TRPM6: variants seen among roughly 807,000 people sequenced by gnomAD.
TRPM6 encodes channel kinase 2.
In TRPM6, 111 loss-of-function variants were observed where a neutral mutation model predicts 247.6. The observed-to-expected ratio is 0.45, with a 90% CI of 0.38 to 0.52. The LOEUF is 0.52. Ranked by LOEUF, TRPM6 falls within the 20% of genes least tolerant of loss-of-function variation. The probability of loss-of-function intolerance (pLI) is 0.00; values close to 1 mark genes in which losing one functional copy is unlikely to be tolerated. For missense variants in TRPM6, 2,126 were observed against 2,421.5 expected (o/e 0.88, Z 2.56); for synonymous variants, 892 against 853.8 (o/e 1.04, Z -0.78).
chr9:74,768,532 C>G (rs1009013617), intron 25 of TRPM6, among the ~76,000 whole-genome samples: 1 of 152,226 alleles, frequency 6.6e-6, no homozygotes, highest in Non-Finnish European at 1.5e-5. Flanking sequence ...TTCTCTCACA[C>G]CTCCTGTGCC....
intron 17 of TRPM6, among the ~76,000 whole-genome samples, chr9:74,797,991 A>G (rs1828160972): frequency 1.3e-5 from 2 of 152,202 alleles, no homozygotes; most frequent in Non-Finnish European, 2.9e-5. Context: ...AGATCCAGAC[A>G]TCCACAAGTT....
intron 1 of TRPM6, among the ~76,000 whole-genome samples, chr9:74,878,824 A>T (rs1184530528): frequency 6.6e-6 from 1 of 152,166 alleles, no homozygotes; most frequent in African/African-American, 2.4e-5. Context: ...AACTAATGAC[A>T]TTAAAGAAGC....
chr9:74,724,750 C>T lies in TRPM6; in HGVS notation c.5936-4G>A. 1 of 1,614,026 alleles carries T rather than the reference C, an allele frequency of 6.2e-7. No homozygotes were observed. Among genetic ancestry groups the T allele is most frequent in the South Asian group, 1.1e-5 (1 of 91,086 alleles). Reference sequence around the variant, plus strand: ...GAATAGTCATTTCTTTTTAAATCTGCAAGGAGGACAAGTAAAAAGGTTATA... The same window carrying T: ...GAATAGTCATTTCTTTTTAAATCTGTAAGGAGGACAAGTAAAAAGGTTATA... On this transcript the variant is annotated splice_region_variant and splice_polypyrimidine_tract_variant and intron_variant, in intron 38 of 38. Transcript: ENST00000360774.
chr9:74,819,699 G>A (rs577148236), intron 9 of TRPM6, among the ~76,000 whole-genome samples: 14 of 152,258 alleles, frequency 9.2e-5, no homozygotes, highest in African/African-American at 3.1e-4. Context: ...TACTCAGGAC[G>A]CTGTGAGGCA....
chr9:74,724,927 C>A (rs928483931), intron 38 of TRPM6, among the ~76,000 whole-genome samples, 181 bp from the exon 39 acceptor site: 6 of 152,192 alleles, frequency 3.9e-5, no homozygotes, highest in African/African-American at 1.4e-4. Context: ...CACCCCAATA[C>A]CCCCCTTCCT....
chr9:74,787,386 A>G (rs1827723733), intron 20 of TRPM6, among the ~76,000 whole-genome samples: 2 of 152,084 alleles, frequency 1.3e-5, no homozygotes, highest in Non-Finnish European at 2.9e-5. Context: ...ACTCACTAAG[A>G]TAAGAAAATA....
chr9:74,747,826 A>G, intron 31 of TRPM6, 63 bp downstream of exon 31: 1 of 1,337,860 alleles, frequency 7.5e-7, no homozygotes, highest in South Asian at 1.2e-5. Context: ...TCAGCAGGAC[A>G]GTGAACCTCG....
intron 17 of TRPM6, among the ~76,000 whole-genome samples, chr9:74,799,549 TAC>T (rs140623880): frequency 0.28 from 41,230 of 144,810 alleles, 6,392 homozygotes; most frequent in African/African-American, 0.43. Flanking sequence ...CACACACACA[TAC>T]ACACACACAC....
At chr9:74,871,325 T>C (rs946036348) in intron 1 of TRPM6, among the ~76,000 whole-genome samples, 12 of 152,224 alleles carry the variant, frequency 7.9e-5, no homozygotes, top group African/African-American at 2.9e-4. Context: ...CAGTTTGTTG[T>C]GCATTCCTCT....
intron 25 of TRPM6, among the ~76,000 whole-genome samples, chr9:74,769,529 G>A (rs933530739): frequency 6.6e-6 from 1 of 152,122 alleles, no homozygotes; most frequent in South Asian, 2.1e-4. Flanking sequence ...GAGGTCGAGG[G>A]GGGCGGATCA....
At chr9:74,789,105 A>C (rs149448581) in intron 19 of TRPM6, among the ~76,000 whole-genome samples, 1 of 152,332 alleles carries the variant, frequency 6.6e-6, no homozygotes, top group Non-Finnish European at 1.5e-5. Flanking sequence ...TCTTAAACAC[A>C]GAAAGAAAAC....
intron 1 of TRPM6, among the ~76,000 whole-genome samples, chr9:74,868,496 AAAAAT>A (rs754868694): frequency 7.2e-5 from 11 of 152,112 alleles, no homozygotes; most frequent in South Asian, 2.1e-4. Context: ...CTCCATCTCA[AAAAAT>A]AAAATAAAAT....
At chr9:74,796,716 C>A in intron 18 of TRPM6, 25 bp downstream of exon 18, 1 of 1,610,964 alleles carries the variant, frequency 6.2e-7, no homozygotes, top group Non-Finnish European at 8.5e-7. Context: ...AATGAAAATT[C>A]AGTTCATTAT....
chr9:74,755,392 T>G lies in TRPM6; in HGVS notation c.4867A>C (p.Ser1623Arg). 1 of 1,614,184 alleles carries G rather than the reference T, an allele frequency of 6.2e-7. No homozygotes were observed. The highest frequency in any genetic ancestry group is 8.5e-7 in the Non-Finnish European group (1 of 1,180,018). The change falls in exon 28 of 39, where the codon AGC (serine) becomes CGC (arginine). Residue 1623 changes from serine to arginine, a missense_variant. By Grantham distance (110) the Ser-to-Arg change is moderately radical (BLOSUM62 -1). Around this residue, in one of 3 missense-constraint regions of TRPM6, gnomAD observed 717 missense variants for 715.9 expected, o/e 1.00. Coordinates refer to ENST00000360774, the MANE Select transcript of TRPM6 (RefSeq NM_017662.5). Reference sequence around the variant, plus strand: ...TTGGACACTGTGAACCAGTTCTTGCTGTACTCCTCTTCAGAGATGCTGTTT... The same window carrying G: ...TTGGACACTGTGAACCAGTTCTTGCGGTACTCCTCTTCAGAGATGCTGTTT... ...GENSISEEEYSKNWFTVSKFS... is the reference protein window; with the variant it reads ...GENSISEEEYRKNWFTVSKFS...
chr9:74,877,842 C>T (rs1831239439), intron 1 of TRPM6, among the ~76,000 whole-genome samples: 1 of 152,160 alleles, frequency 6.6e-6, no homozygotes, highest in Non-Finnish European at 1.5e-5. Flanking sequence ...GCAGCCGCTG[C>T]CACTCCAACT....
At chr9:74,838,914 A>G (rs1829820336) in intron 5 of TRPM6, among the ~76,000 whole-genome samples, 1 of 152,162 alleles carries the variant, frequency 6.6e-6, no homozygotes, top group Admixed American at 6.5e-5. Flanking sequence ...GTTCGAGGCC[A>G]GCCTGGCCAA....
At chr9:74,781,872 A>G (rs1030441899) in intron 23 of TRPM6, among the ~76,000 whole-genome samples, 2 of 152,192 alleles carry the variant, frequency 1.3e-5, no homozygotes, top group Admixed American at 1.3e-4. Context: ...TCAAATAACC[A>G]CAGATTGAAA....
At chr9:74,816,118 C>T (rs1202841345) in intron 11 of TRPM6, among the ~76,000 whole-genome samples, 2 of 152,100 alleles carry the variant, frequency 1.3e-5, no homozygotes, top group Admixed American at 6.5e-5. Flanking sequence ...TTTGGGAGAC[C>T]AAGGTAGCAA....
At chr9:74,754,248 G>A (rs1826363278) in intron 28 of TRPM6, among the ~76,000 whole-genome samples, 1 of 152,000 alleles carries the variant, frequency 6.6e-6, no homozygotes, top group Non-Finnish European at 1.5e-5. Flanking sequence ...TAAATTGAGG[G>A]GGTGCTGACT....
Sources: gnomAD v4.1 joint callset for allele counts (sites outside exome capture counted in the v4.1 genomes callset) on GRCh38, gnomAD v4.1.1 for gene constraint, gnomAD v4.1.1 regional missense constraint, MANE v1.5 for transcripts, NCBI Gene and HGNC (gene_info 2026-07-23, HGNC 2026-07-21) for gene names.